Variants in HMGB1 observed in about 807,000 individuals in gnomAD.
HMGB1 encodes the protein high mobility group box 1.
For synonymous variants in HMGB1, 81 were observed against 84.0 expected, an observed-to-expected ratio of 0.96 and a Z score of 0.19; for missense variants, 79 against 253.5, an observed-to-expected ratio of 0.31 and a Z score of 4.67.
At chr13:30,611,443 T>C (rs1332352269) in intron 1 of HMGB1, among the ~76,000 whole-genome samples, 1 of 152,216 alleles carries the variant, frequency 6.6e-6, no homozygotes, top group Non-Finnish European at 1.5e-5. Context: ...ATTACAGCTA[T>C]TTTAAGGACT....
intron 1 of HMGB1, among the ~76,000 whole-genome samples, chr13:30,574,472 T>C (rs1870563388): frequency 6.6e-6 from 1 of 152,246 alleles, no homozygotes; most frequent in African/African-American, 2.4e-5. Context: ...AATAGCACTA[T>C]GGCAACATAA....
intron 1 of HMGB1, among the ~76,000 whole-genome samples, chr13:30,599,465 T>C (rs1871765222): frequency 6.6e-6 from 1 of 152,014 alleles, no homozygotes; most frequent in Admixed American, 6.6e-5. Context: ...CAAAACTCTG[T>C]CTCAAAAACA....
intron 1 of HMGB1, among the ~76,000 whole-genome samples, chr13:30,524,700 A>AAT (rs1352788116): frequency 7.2e-5 from 1 of 13,884 alleles, no homozygotes; most frequent in Non-Finnish European, 3.2e-4. Context: ...AAAATAAAAT[A>AAT]AATAATAATA....
chr13:30,610,591 T>C (rs773256682), intron 1 of HMGB1, among the ~76,000 whole-genome samples: 20 of 152,240 alleles, frequency 1.3e-4, no homozygotes, highest in Non-Finnish European at 2.2e-4. Flanking sequence ...ATTAGTTAAA[T>C]AACAGAAGTG....
chr13:30,546,471 A>C (rs1468065983), intron 1 of HMGB1, among the ~76,000 whole-genome samples: 1 of 151,708 alleles, frequency 6.6e-6, no homozygotes, highest in Non-Finnish European at 1.5e-5. Flanking sequence ...TTGAGGAGGG[A>C]ATCTGGAAGT....
At chr13:30,515,829 T>G (rs1204859989) in intron 1 of HMGB1, among the ~76,000 whole-genome samples, 1 of 152,154 alleles carries the variant, frequency 6.6e-6, no homozygotes, top group East Asian at 1.9e-4. Context: ...AAAAATGAGC[T>G]AGTAGAATAT....
intron 1 of HMGB1, among the ~76,000 whole-genome samples, chr13:30,536,501 C>T (rs1429746953): frequency 1.3e-5 from 2 of 152,138 alleles, no homozygotes; most frequent in African/African-American, 4.8e-5. Context: ...AGGCACATGC[C>T]ACCACACCCG....
chr13:30,616,575 C>T (rs1950566101), intron 1 of HMGB1: 1 of 152,064 alleles, frequency 6.6e-6, no homozygotes, highest in South Asian at 2.1e-4. Context: ...ATTTTAATCA[C>T]AATTCATAAA....
intron 1 of HMGB1, among the ~76,000 whole-genome samples, chr13:30,538,555 T>TTCTTTCTTTC (rs1404635787): frequency 3.0e-5 from 3 of 99,056 alleles, no homozygotes; most frequent in Admixed American, 9.9e-5. Flanking sequence ...CTTTCTTTCT[T>TTCTTTCTTTC]TTTCTTTCTT....
At chr13:30,556,573 A>T (rs1005750675) in intron 1 of HMGB1, among the ~76,000 whole-genome samples, 1 of 152,234 alleles carries the variant, frequency 6.6e-6, no homozygotes, top group African/African-American at 2.4e-5. Context: ...AGTATTATTC[A>T]GCCATAAAAA....
chr13:30,457,397 CCTT>C lies in HMGB1; in HGVS notation c.*3957_*3959del, dbSNP rs1217031481. On this transcript the variant is annotated 3_prime_UTR_variant, in exon 5 of 5. Coordinates refer to ENST00000341423, the MANE Select transcript of HMGB1 (RefSeq NM_002128.7). ...ACTATTGCAGATTTTATTCCTACTTCCTTCTTTTCAGTGGATGCCCAATAAATT... is the reference window on the plus strand; with the variant it reads ...ACTATTGCAGATTTTATTCCTACTTCCTTTTCAGTGGATGCCCAATAAATT... The C allele has an allele frequency of 6.6e-6, 1 of 152,178 alleles. No individual in the cohort carries two copies. Among genetic ancestry groups the C allele is most frequent in the African/African-American group, 2.4e-5 (1 of 41,458 alleles). 9.4% of individuals were successfully genotyped at this position (152,178 alleles called of 1,614,324 possible).
rs1010151729 is a variant in HMGB1 at position 30,608,061 on chromosome 13, T to C, written c.-15+8610A>G. Among the ~76,000 whole-genome samples the C allele has an allele frequency of 5.3e-5, 8 of 152,226 alleles. No homozygotes were observed. In the East Asian group the frequency reaches 5.8e-4, roughly 11 times the overall value. ...ACAGTAGGTCACTTCCGAGGTTAGG[T>C]TGTGAAAGACACTGTGGTTTCTGCC... On this transcript the variant is annotated intron_variant, in intron 1 of 4. Transcript: ENST00000405805.
intron 1 of HMGB1, among the ~76,000 whole-genome samples, chr13:30,517,862 A>C (rs1418668993): frequency 6.6e-6 from 1 of 152,210 alleles, no homozygotes; most frequent in East Asian, 1.9e-4. Flanking sequence ...AATGTGAAAG[A>C]AACTTTATTT....
chr13:30,553,882 C>A, intron 1 of HMGB1: 1 of 1,338,620 alleles, frequency 7.5e-7, no homozygotes, highest in Non-Finnish European at 1.1e-6. Context: ...TATATTAATG[C>A]CAGCTTAGTT....
intron 1 of HMGB1, among the ~76,000 whole-genome samples, chr13:30,523,741 C>CCTT (rs61494475): frequency 3.3e-5 from 3 of 89,688 alleles, no homozygotes; most frequent in Non-Finnish European, 5.3e-5. Flanking sequence ...TTGTTGGGCC[C>CCTT]TTTTTTTTTG....
chr13:30,586,479 GTTTTTTTTTTTTT>G (rs11315470), intron 1 of HMGB1, among the ~76,000 whole-genome samples: 1 of 105,094 alleles, frequency 9.5e-6, no homozygotes, highest in East Asian at 4.1e-4. Flanking sequence ...GGTTTTTTTT[GTTTTTTTTTTTTT>G]TTTTTTTTTT....
chr13:30,541,315 G>T (rs1449269224), intron 1 of HMGB1, among the ~76,000 whole-genome samples: 1 of 146,482 alleles, frequency 6.8e-6, no homozygotes, highest in Non-Finnish European at 1.5e-5. Flanking sequence ...GCAACGTAGC[G>T]AGACTCCATC....
intron 1 of HMGB1, among the ~76,000 whole-genome samples, chr13:30,597,666 T>C (rs1033450753): frequency 3.9e-5 from 6 of 152,244 alleles, no homozygotes; most frequent in Admixed American, 1.3e-4. Flanking sequence ...TCTATACTTA[T>C]ATGCAAGGAA....
chr13:30,533,784 T>G (rs1339834706), intron 1 of HMGB1, among the ~76,000 whole-genome samples: 1 of 152,010 alleles, frequency 6.6e-6, no homozygotes, highest in Non-Finnish European at 1.5e-5. Flanking sequence ...CTAATTGCAA[T>G]GTATTGTAAA....
Sources: allele counts gnomAD v4.1 joint callset (sites outside exome capture counted in the v4.1 genomes callset), GRCh38; gene constraint gnomAD v4.1.1; transcripts MANE v1.5; gene names NCBI Gene and HGNC (gene_info 2026-07-23, HGNC 2026-07-21).